The following PUM3 variants were observed in gnomAD, a reference collection of about 807,000 sequenced individuals.
PUM3 encodes the protein pumilio RNA binding family member 3.
PUM3 carries 91 observed loss-of-function variants against 84.0 expected under a neutral mutation model. That is an observed-to-expected ratio of 1.08 (90% confidence interval 0.91 to 1.29). The LOEUF (loss-of-function observed/expected upper bound fraction) is 1.29, where lower values mean the gene tolerates loss of function less well. PUM3 is among the 50% of genes most tolerant of loss of function. The probability of loss-of-function intolerance (pLI) is 0.00; values close to 1 mark genes in which losing one functional copy is unlikely to be tolerated. For synonymous variants in PUM3, 321 were observed against 266.7 expected (o/e 1.20, Z -1.98); for missense variants, 1,067 against 767.5 (o/e 1.39, Z -4.61).
intron 17 of PUM3, 120 bp downstream of exon 17, chr9:2,807,694 G>A: frequency 1.7e-6 from 1 of 599,184 alleles, no homozygotes; most frequent in Non-Finnish European, 3.0e-6. Flanking sequence ...TAGACCATGA[G>A]TGACTGGGAG....
At chr9:2,827,349 C>A (rs931932798) in intron 9 of PUM3, among the ~76,000 whole-genome samples, 198 bp from the exon 10 acceptor site, 4 of 152,114 alleles carry the variant, frequency 2.6e-5, no homozygotes, top group African/African-American at 9.7e-5. Flanking sequence ...TGATTTAGTG[C>A]CATCTACAAC....
intron 3 of PUM3, among the ~76,000 whole-genome samples, chr9:2,835,635 AT>A (rs1816102248): frequency 6.6e-6 from 1 of 152,212 alleles, no homozygotes; most frequent in African/African-American, 2.4e-5. Flanking sequence ...TTAATATGGT[AT>A]CCTCTACTAT....
chr9:2,813,402 T>C (rs1298733197), intron 13 of PUM3, among the ~76,000 whole-genome samples: 1 of 152,240 alleles, frequency 6.6e-6, no homozygotes, highest in Admixed American at 6.5e-5. Flanking sequence ...CAATGCATGT[T>C]TGAGCACCCC....
At position 2,827,144 on chromosome 9, in the gene PUM3, C is replaced by T; in HGVS notation, c.964G>A (p.Val322Met). ...ILTPMAQKEA[V>M]IKHSLVHKVF... Reference sequence around the variant, plus strand: ...TTATGCACCAATGAGTGCTTAATCACAGCTTCCCTGAAAACAGAAAAAAAA... The same window carrying T: ...TTATGCACCAATGAGTGCTTAATCATAGCTTCCCTGAAAACAGAAAAAAAA... Residue 322 changes from valine to methionine, a missense_variant, in exon 10 of 18, where the codon GTG (valine) becomes ATG (methionine). Val to Met is a conservative substitution (Grantham distance 21, BLOSUM62 1). Transcript: ENST00000397885. 1 of 1,606,702 alleles carries T rather than the reference C, an allele frequency of 6.2e-7. No homozygotes were observed. Among genetic ancestry groups the T allele is most frequent in the Non-Finnish European group, 8.5e-7 (1 of 1,177,086 alleles).
At chr9:2,843,617 C>T (rs949685428) in intron 1 of PUM3, among the ~76,000 whole-genome samples, 4 of 125,258 alleles carry the variant, frequency 3.2e-5, no homozygotes, top group African/African-American at 1.2e-4. Context: ...CTTGCTCTGT[C>T]TCCCAGGCTG....
intron 3 of PUM3, among the ~76,000 whole-genome samples, chr9:2,835,490 T>C (rs1816099224): frequency 1.3e-5 from 2 of 152,200 alleles, no homozygotes; most frequent in African/African-American, 4.8e-5. Context: ...TTAACATTCC[T>C]CAAGAACATA....
intron 4 of PUM3, 106 bp downstream of exon 4, chr9:2,833,925 C>G: frequency 8.2e-7 from 1 of 1,218,168 alleles, no homozygotes; most frequent in Non-Finnish European, 1.2e-6. Flanking sequence ...CCCTCAATAA[C>G]CCAAGTGCTA....
intron 17 of PUM3, among the ~76,000 whole-genome samples, chr9:2,805,090 A>G (rs1210094738): frequency 1.3e-5 from 2 of 152,102 alleles, no homozygotes; most frequent in Non-Finnish European, 2.9e-5. Flanking sequence ...CTCTCTTAAG[A>G]CTCAGTTTCC....
intron 12 of PUM3, among the ~76,000 whole-genome samples, chr9:2,822,426 A>C (rs543684769): frequency 3.9e-4 from 60 of 152,138 alleles, no homozygotes; most frequent in Non-Finnish European, 7.2e-4. Flanking sequence ...AATAATTCCA[A>C]ATAATCCATG....
chr9:2,812,416 G>C (rs1821393607), intron 13 of PUM3, 54 bp from the exon 14 acceptor site: 1 of 1,211,270 alleles, frequency 8.3e-7, no homozygotes, highest in Admixed American at 2.1e-5. Context: ...TCAAAACAAA[G>C]TACCACAGGA....
chr9:2,843,528 G>T (rs1456471707), intron 1 of PUM3, among the ~76,000 whole-genome samples: 1 of 151,838 alleles, frequency 6.6e-6, no homozygotes, highest in Non-Finnish European at 1.5e-5. Context: ...CTCTAACCCG[G>T]CACGCAGGGC....
At chr9:2,834,849 T>C (rs1816077215) in intron 3 of PUM3, among the ~76,000 whole-genome samples, 1 of 152,122 alleles carries the variant, frequency 6.6e-6, no homozygotes, top group Non-Finnish European at 1.5e-5. Context: ...CACCACTTTT[T>C]TGTCTTCAAA....
intron 1 of PUM3, among the ~76,000 whole-genome samples, chr9:2,843,348 C>T (rs146218705): frequency 2.6e-5 from 4 of 152,182 alleles, no homozygotes; most frequent in African/African-American, 7.2e-5. Flanking sequence ...AAGATCACTT[C>T]TTCAGACTCC....
At chr9:2,832,255 G>C (rs1242504120) in intron 5 of PUM3, among the ~76,000 whole-genome samples, 1 of 152,080 alleles carries the variant, frequency 6.6e-6, no homozygotes, top group Non-Finnish European at 1.5e-5. Context: ...CTTAAACATA[G>C]TGTTCTTATT....
At chr9:2,841,550 AGAGT>A (rs1365678641) in intron 1 of PUM3, among the ~76,000 whole-genome samples, 1 of 152,196 alleles carries the variant, frequency 6.6e-6, no homozygotes, top group African/African-American at 2.4e-5. Context: ...CCTGGGCAAC[AGAGT>A]GAGACTCTAT....
chr9:2,838,876 G>C (rs1013809979), intron 1 of PUM3, among the ~76,000 whole-genome samples: 46 of 152,066 alleles, frequency 3.0e-4, no homozygotes, highest in African/African-American at 1.1e-3. Context: ...GGAAGACTAG[G>C]GGATGAATAA....
intron 16 of PUM3, 63 bp downstream of exon 16, chr9:2,810,281 G>A (rs909525790): frequency 5.5e-6 from 6 of 1,081,184 alleles, no homozygotes; most frequent in Non-Finnish European, 8.6e-6. Context: ...TAAAGTTCAG[G>A]GATGCCAGGA....
At chr9:2,806,072 C>T (rs1206313275) in intron 17 of PUM3, among the ~76,000 whole-genome samples, 1 of 152,192 alleles carries the variant, frequency 6.6e-6, no homozygotes, top group Non-Finnish European at 1.5e-5. Flanking sequence ...CTGAGTAGTG[C>T]TCCATAATAA....
chr9:2,825,443 C>A (rs1448355925), intron 10 of PUM3, among the ~76,000 whole-genome samples: 2 of 152,054 alleles, frequency 1.3e-5, no homozygotes, highest in Admixed American at 6.6e-5. Context: ...CTTAATTTAA[C>A]CTTTAGCCTT....
Sources: allele counts gnomAD v4.1 joint callset (sites outside exome capture counted in the v4.1 genomes callset), GRCh38; gene constraint gnomAD v4.1.1; transcripts MANE v1.5; gene names NCBI Gene and HGNC (gene_info 2026-07-23, HGNC 2026-07-21).